Variants in ADGRB3 observed in about 807,000 individuals in gnomAD.
The protein encoded by ADGRB3 is adhesion G protein-coupled receptor B3.
ADGRB3 carries 37 observed loss-of-function variants against 193.4 expected under a neutral mutation model. The ratio of observed to expected loss-of-function variants is 0.19; its 90% confidence interval spans 0.15 to 0.25. The LOEUF (loss-of-function observed/expected upper bound fraction) is 0.25. ADGRB3 is among the 10% of genes least tolerant of loss of function. The probability of loss-of-function intolerance (pLI) is 1.00; values close to 1 mark genes in which losing one functional copy is unlikely to be tolerated. For synonymous variants in ADGRB3, 690 were observed against 644.2 expected, an observed-to-expected ratio of 1.07 and a Z score of -1.08; for missense variants, 1,637 against 1,852.9, an observed-to-expected ratio of 0.88 and a Z score of 2.14.
chr6:69,381,526 A>G (rs1469876031), intron 30 of ADGRB3, among the ~76,000 whole-genome samples: 1 of 151,968 alleles, frequency 6.6e-6, no homozygotes, highest in Non-Finnish European at 1.5e-5. Flanking sequence ...GCCTAGATAC[A>G]TATTTATTAA....
At chr6:69,170,071 G>A (rs192151325) in intron 17 of ADGRB3, among the ~76,000 whole-genome samples, 1 of 152,112 alleles carries the variant, frequency 6.6e-6, no homozygotes, top group African/African-American at 2.4e-5. Flanking sequence ...CTAAGGAGAA[G>A]TTTTGCATAG....
chr6:69,278,130 A>T (rs544386109), intron 20 of ADGRB3, among the ~76,000 whole-genome samples: 10 of 152,332 alleles, frequency 6.6e-5, no homozygotes, highest in Non-Finnish European at 1.5e-5. Context: ...GGGCTTTGAG[A>T]TGCAAAATTC....
At chr6:68,904,209 T>C (rs898375562) in intron 3 of ADGRB3, among the ~76,000 whole-genome samples, 2 of 152,056 alleles carry the variant, frequency 1.3e-5, no homozygotes, top group African/African-American at 4.8e-5. Context: ...AACAGCAGGC[T>C]ACTGTACTGT....
intron 17 of ADGRB3, among the ~76,000 whole-genome samples, chr6:69,216,955 T>A (rs1024704011): frequency 6.6e-6 from 1 of 152,222 alleles, no homozygotes; most frequent in African/African-American, 2.4e-5. Context: ...CTGTCCTACC[T>A]GTAACCTGTC....
chr6:68,946,510 G>A (rs1193343338), intron 6 of ADGRB3, among the ~76,000 whole-genome samples: 4 of 152,104 alleles, frequency 2.6e-5, no homozygotes, highest in African/African-American at 9.7e-5. Flanking sequence ...GGTAACTTGA[G>A]GATTCAGTGG....
Position 68,638,915 on chromosome 6 carries a change from C to T in ADGRB3, c.240C>T (p.Cys80=), listed in dbSNP as rs1561979286. The T allele has an allele frequency of 6.2e-7, 1 of 1,614,108 alleles. No individual in the cohort carries two copies. The part of the protein sequence containing the change: ...YLKFSKKDLS[C]SNFSLLAYQF... ...AATTTTCCAAAAAGGACCTTAGCTG[C>T]TCTAACTTTTCACTCCTGGCTTATC... is the stretch of plus-strand genomic sequence containing the variant. Residue 80 remains cysteine (C), a synonymous_variant, in exon 3 of 32, where the codon TGC becomes TGT. Coordinates refer to ENST00000370598, the MANE Select transcript of ADGRB3 (RefSeq NM_001704.3).
chr6:68,822,258 A>G (rs1767761415), intron 3 of ADGRB3, among the ~76,000 whole-genome samples: 1 of 152,014 alleles, frequency 6.6e-6, no homozygotes, highest in Admixed American at 6.6e-5. Flanking sequence ...AGGCAATCCC[A>G]TAACTCCAAA....
At chr6:69,116,613 T>C (rs1208748063) in intron 17 of ADGRB3, among the ~76,000 whole-genome samples, 1 of 152,210 alleles carries the variant, frequency 6.6e-6, no homozygotes, top group African/African-American at 2.4e-5. Context: ...CAGTAAAAAC[T>C]GAAGGCAATT....
intron 3 of ADGRB3, among the ~76,000 whole-genome samples, chr6:68,699,738 C>T (rs994168222): frequency 2.1e-4 from 32 of 151,504 alleles, no homozygotes; most frequent in African/African-American, 5.1e-4. Flanking sequence ...GAGAGCAGTT[C>T]GACCAATTAG....
chr6:68,987,783 G>A (rs769088559), intron 10 of ADGRB3, among the ~76,000 whole-genome samples: 1 of 152,104 alleles, frequency 6.6e-6, no homozygotes, highest in African/African-American at 2.4e-5. Context: ...TAAAGCTCAA[G>A]TGAGGTACCC....
chr6:69,339,434 T>C lies in ADGRB3; in HGVS notation c.3389T>C (p.Ile1130Thr), dbSNP rs752218830. Residue 1130 changes from isoleucine (I) to threonine (T), a missense_variant, in exon 26 of 32, where the codon ATA (isoleucine) becomes ACA (threonine). Ile to Thr is a moderately conservative substitution (Grantham distance 89). Transcript: ENST00000370598. ...MTDKRSILFQ[I>T]LFAVFDSLQG... ...GATAAACGCTCCATATTGTTTCAAA[T>C]ACTTTTTGCTGTGTTTGATTCATTG... The C allele has an allele frequency of 1.2e-6, 2 of 1,614,072 alleles. No homozygotes were observed. The highest frequency in any genetic ancestry group is 8.5e-7 in the Non-Finnish European group (1 of 1,179,942).
At chr6:68,990,611 T>C (rs1225297127) in intron 10 of ADGRB3, among the ~76,000 whole-genome samples, 2 of 152,194 alleles carry the variant, frequency 1.3e-5, no homozygotes, top group East Asian at 3.8e-4. Context: ...CTGGCTTTCC[T>C]ATTAGTTGAG....
At chr6:68,934,505 A>G (rs1767431758) in intron 4 of ADGRB3, among the ~76,000 whole-genome samples, 1 of 152,174 alleles carries the variant, frequency 6.6e-6, no homozygotes, top group Non-Finnish European at 1.5e-5. Flanking sequence ...TTTATGGTAA[A>G]ATAGAACTAA....
At chr6:68,929,059 A>G (rs1353326519) in intron 3 of ADGRB3, among the ~76,000 whole-genome samples, 2 of 152,162 alleles carry the variant, frequency 1.3e-5, no homozygotes, top group Non-Finnish European at 2.9e-5. Flanking sequence ...TAGACACCAC[A>G]TACAGCACAC....
At position 68,956,119 on chromosome 6, in the gene ADGRB3, G is replaced by T. The variant is rs572642080; in HGVS notation, c.1291G>T (p.Ala431Ser). 1.9e-4 allele frequency: 310 copies of T among 1,613,986 alleles called. 3 individuals are homozygous for T. The South Asian group carries it at 2.2e-3, about 11-fold the overall frequency. The change falls in exon 7 of 32, where the codon GCC (alanine) becomes TCC (serine). Residue 431 changes from alanine to serine, a missense_variant. Physicochemically the swap from Ala to Ser is moderately conservative, Grantham distance 99. This residue lies in a region of ADGRB3 where 641 missense variants were observed against 673.9 expected (regional missense o/e 0.95). Coordinates refer to ENST00000370598, the MANE Select transcript of ADGRB3 (RefSeq NM_001704.3). Reference protein sequence around the residue: ...QQRSRQCTAAAHGGSECRGPW... With the variant: ...QQRSRQCTAASHGGSECRGPW... ...GAGAAGCCGGCAGTGCACTGCAGCT[G>T]CCCATGGAGGCTCCGAATGCAGAGG...
chr6:69,126,958 G>A (rs879716678), intron 17 of ADGRB3, among the ~76,000 whole-genome samples: 2 of 152,166 alleles, frequency 1.3e-5, no homozygotes, highest in Non-Finnish European at 2.9e-5. Flanking sequence ...AGACAGAATT[G>A]CTTTGCTGGA....
At chr6:69,250,040 A>G (rs1240055881) in intron 20 of ADGRB3, among the ~76,000 whole-genome samples, 5 of 152,210 alleles carry the variant, frequency 3.3e-5, no homozygotes, top group African/African-American at 1.2e-4. Flanking sequence ...AAGCAGAAGA[A>G]TTTTAATTTG....
At chr6:68,811,964 G>T (rs149684178) in intron 3 of ADGRB3, among the ~76,000 whole-genome samples, 1 of 152,198 alleles carries the variant, frequency 6.6e-6, no homozygotes, top group African/African-American at 2.4e-5. Flanking sequence ...GTGAGGTAGA[G>T]AACACAGAGT....
chr6:68,766,003 A>T (rs1048005557), intron 3 of ADGRB3, among the ~76,000 whole-genome samples: 3 of 151,976 alleles, frequency 2.0e-5, no homozygotes, highest in Admixed American at 1.3e-4. Context: ...TAAAATCACA[A>T]ATTTATATGC....
Sources: allele counts gnomAD v4.1 joint callset (sites outside exome capture counted in the v4.1 genomes callset), GRCh38; gene constraint gnomAD v4.1.1; regional missense constraint gnomAD v4.1.1; transcripts MANE v1.5; gene names NCBI Gene and HGNC (gene_info 2026-07-23, HGNC 2026-07-21).